Variants in FOCAD observed in about 807,000 individuals in gnomAD.
The protein encoded by FOCAD is KIAA1797.
In FOCAD, 198 loss-of-function variants were observed where a neutral mutation model predicts 225.6. The observed-to-expected ratio is 0.88, with a 90% confidence interval of 0.78 to 0.99. The LOEUF is 0.99. Ranked by LOEUF, FOCAD falls within the 50% of genes least tolerant of loss-of-function variation. The pLI is 0.00. For synonymous variants in FOCAD, 897 were observed against 755.0 expected, an observed-to-expected ratio of 1.19 and a Z score of -3.08; for missense variants, 2,713 against 2,123.6, an observed-to-expected ratio of 1.28 and a Z score of -5.46.
intron 2 of FOCAD, among the ~76,000 whole-genome samples, chr9:20,669,531 T>C (rs1821993353): frequency 6.6e-6 from 1 of 152,110 alleles, no homozygotes; most frequent in Non-Finnish European, 1.5e-5. Context: ...TCCCAGCAGT[T>C]TGGGAGGCCG....
At chr9:20,983,009 G>A (rs1033909128) in intron 39 of FOCAD, among the ~76,000 whole-genome samples, 5 of 152,184 alleles carry the variant, frequency 3.3e-5, no homozygotes, top group Admixed American at 3.3e-4. Context: ...CCTTATAGCT[G>A]GTGGACTTCG....
chr9:20,692,660 C>G (rs1008919277), intron 1 of FOCAD, among the ~76,000 whole-genome samples: 4 of 152,158 alleles, frequency 2.6e-5, no homozygotes, highest in South Asian at 2.1e-4. Flanking sequence ...TGGCTTATCT[C>G]TGCTCTACGT....
intron 15 of FOCAD, among the ~76,000 whole-genome samples, chr9:20,837,610 G>A (rs1007952361): frequency 2.0e-5 from 3 of 151,960 alleles, no homozygotes; most frequent in African/African-American, 2.4e-5. Context: ...ACTGAAGTAG[G>A]GCAGTAGACA....
intron 36 of FOCAD, among the ~76,000 whole-genome samples, chr9:20,977,645 T>C (rs1840334489): frequency 6.6e-6 from 1 of 152,206 alleles, no homozygotes; most frequent in Non-Finnish European, 1.5e-5. Context: ...TTACATATGA[T>C]ATATAAAACA....
chr9:20,820,005 CACT>C, intron 12 of FOCAD, 105 bp downstream of exon 12: 1 of 626,828 alleles, frequency 1.6e-6, no homozygotes, highest in East Asian at 3.1e-5. Flanking sequence ...TTGCCATAGT[CACT>C]ACTTCTCTTG....
chr9:20,781,698 A>G, intron 9 of FOCAD, 29 bp from the exon 10 acceptor site: 3 of 1,603,554 alleles, frequency 1.9e-6, no homozygotes, highest in Non-Finnish European at 2.6e-6. Flanking sequence ...TTAATTTTTA[A>G]AAATGTGCAT....
chr9:20,988,534 T>A (rs1841386400), intron 41 of FOCAD, 105 bp downstream of exon 41: 2 of 340,936 alleles, frequency 5.9e-6, no homozygotes, highest in Non-Finnish European at 1.1e-5. Context: ...AAAACTGCAA[T>A]TACTTTTGCA....
upstream of FOCAD, among the ~76,000 whole-genome samples, chr9:20,682,951 TG>T (rs888281676): frequency 5.6e-4 from 86 of 152,258 alleles, no homozygotes; most frequent in Middle Eastern, 3.4e-3. Flanking sequence ...AATTTTTGTA[TG>T]TTTTTTTTAG....
chr9:20,756,541 C>T (rs1829068995), intron 5 of FOCAD, among the ~76,000 whole-genome samples: 1 of 152,162 alleles, frequency 6.6e-6, no homozygotes. Context: ...AAACTTCATT[C>T]CTAGCAGTCT....
At chr9:20,749,054 T>C (rs1828312501) in intron 5 of FOCAD, among the ~76,000 whole-genome samples, 1 of 152,104 alleles carries the variant, frequency 6.6e-6, no homozygotes, top group African/African-American at 2.4e-5. Flanking sequence ...AGCACACAAC[T>C]TAATGAAAGG....
chr9:20,862,439 A>G (rs1828855690), intron 15 of FOCAD, 139 bp from the exon 16 acceptor site: 3 of 845,406 alleles, frequency 3.5e-6, no homozygotes, highest in South Asian at 2.5e-5. Context: ...GAGGGGTGGT[A>G]CCTTATTAAG....
At chr9:20,919,650 T>A (rs1834203156) in intron 24 of FOCAD, among the ~76,000 whole-genome samples, 1 of 152,124 alleles carries the variant, frequency 6.6e-6, no homozygotes, top group East Asian at 1.9e-4. Flanking sequence ...CTCTCAGAAA[T>A]AACACCGCAT....
chr9:20,995,599 A>G lies in FOCAD; in HGVS notation c.5376A>G (p.Lys1792=). Reference sequence around the variant, plus strand: ...GAGTTCTCCCAGAGTTTAAGAAGAAAGCTGTATGGACCAGAGCATATGGTT... The same window carrying G: ...GAGTTCTCCCAGAGTTTAAGAAGAAGGCTGTATGGACCAGAGCATATGGTT... ...SLRVLPEFKK[K]AVWTRAYGW The change falls in exon 44 of 44, where the codon AAA becomes AAG. Residue 1792 remains lysine (K), a synonymous_variant. Transcript: ENST00000338382. 1 of 1,612,986 alleles carries G rather than the reference A, an allele frequency of 6.2e-7. No homozygotes were observed. The highest frequency in any genetic ancestry group is 8.5e-7 in the Non-Finnish European group (1 of 1,179,054).
intron 3 of FOCAD, 130 bp downstream of exon 3, chr9:20,717,998 A>T: frequency 1.6e-6 from 1 of 632,684 alleles, no homozygotes; most frequent in Non-Finnish European, 2.6e-6. Context: ...TGAGAACTTC[A>T]TTGCCTTTTT....
intron 32 of FOCAD, 87 bp from the exon 33 acceptor site, chr9:20,949,517 G>A: frequency 1.2e-6 from 1 of 858,238 alleles, no homozygotes; most frequent in African/African-American, 1.9e-5. Context: ...TTATAACTTA[G>A]AAGATGGATA....
At chr9:20,931,191 T>G (rs761259943) in intron 27 of FOCAD, among the ~76,000 whole-genome samples, 5 of 152,158 alleles carry the variant, frequency 3.3e-5, no homozygotes, top group Non-Finnish European at 5.9e-5. Context: ...TTGACCCTGC[T>G]TCCTAGGTTG....
At chr9:20,759,034 A>G (rs1302630575) in intron 6 of FOCAD, among the ~76,000 whole-genome samples, 1 of 152,154 alleles carries the variant, frequency 6.6e-6, no homozygotes, top group East Asian at 1.9e-4. Flanking sequence ...CAAAGAGAAT[A>G]AAATACCTAG....
At chr9:20,976,814 A>G (rs527350800) in intron 36 of FOCAD, among the ~76,000 whole-genome samples, 2 of 152,326 alleles carry the variant, frequency 1.3e-5, no homozygotes, top group Non-Finnish European at 2.9e-5. Flanking sequence ...AATGTGGTAC[A>G]GGTTCCATTA....
intron 18 of FOCAD, among the ~76,000 whole-genome samples, chr9:20,870,190 A>G (rs973357676): frequency 6.6e-6 from 1 of 152,210 alleles, no homozygotes; most frequent in Non-Finnish European, 1.5e-5. Flanking sequence ...AATTTTAGAA[A>G]TAATATAAAA....
Sources: gnomAD v4.1 joint callset for allele counts (sites outside exome capture counted in the v4.1 genomes callset) on GRCh38, gnomAD v4.1.1 for gene constraint, MANE v1.5 for transcripts, NCBI Gene and HGNC (gene_info 2026-07-23, HGNC 2026-07-21) for gene names.